The following ERAP1 variants were observed in gnomAD, a reference collection of about 807,000 sequenced individuals.
ERAP1 encodes endoplasmic reticulum aminopeptidase 1, also known as adipocyte-derived leucine aminopeptidase.
In ERAP1, 86 loss-of-function variants were observed where a neutral mutation model predicts 103.7. The observed-to-expected ratio is 0.83, with a 90% CI of 0.70 to 0.99. The LOEUF (loss-of-function observed/expected upper bound fraction) is 0.99. Ranked by LOEUF, ERAP1 falls within the 50% of genes least tolerant of loss-of-function variation. ERAP1 has a pLI of 0.00. For synonymous variants in ERAP1, 398 were observed against 402.4 expected, an observed-to-expected ratio of 0.99 and a Z score of 0.13; for missense variants, 1,009 against 1,128.4, an observed-to-expected ratio of 0.89 and a Z score of 1.52.
At chr5:96,895,382 C>T in the ERAP1 span, 1 of 1,409,656 alleles carries the variant, frequency 7.1e-7, no homozygotes, top group South Asian at 1.2e-5. Context: ...TTCTGTGTAT[C>T]ATACTATATG....
At chr5:96,769,483 A>G (rs190001456) in intron 19 of ERAP1, 45 of 149,590 alleles carry the variant, frequency 3.0e-4, no homozygotes, top group African/African-American at 1.0e-3. Flanking sequence ...TTTATTGTGT[A>G]TATTTGAGGT....
intron 1 of ERAP1, chr5:96,806,131 G>A (rs906489969): frequency 6.6e-6 from 1 of 152,182 alleles, no homozygotes; most frequent in Admixed American, 6.5e-5. Flanking sequence ...AAGATTCTGT[G>A]ATCATGTTCG....
At chr5:96,829,893 T>C in the ERAP1 span, among the ~76,000 whole-genome samples, 3 of 152,322 alleles carry the variant, frequency 2.0e-5, no homozygotes, top group East Asian at 3.9e-4. Flanking sequence ...CCTAGTAAGG[T>C]TGAAAGTGTG....
upstream of ERAP1, among the ~76,000 whole-genome samples, chr5:96,809,566 T>C (rs925780930): frequency 3.9e-5 from 6 of 152,224 alleles, no homozygotes; most frequent in East Asian, 1.9e-4. Flanking sequence ...CTATTATCTC[T>C]AGTCAAGGAC....
At chr5:96,811,261 G>A (rs1011516614), upstream of ERAP1, among the ~76,000 whole-genome samples, 3 of 152,174 alleles carry the variant, frequency 2.0e-5, no homozygotes, top group African/African-American at 7.2e-5. Flanking sequence ...CAGATGCCAT[G>A]TTAAAGACTG....
chr5:96,762,781 GA>G (rs1300070090), exon 20 of ERAP1: 1 of 243,026 alleles, frequency 4.1e-6, no homozygotes, highest in Non-Finnish European at 7.9e-6. Context: ...TTATTTTATG[GA>G]ATCGTCATGT....
chr5:96,932,895 T>C, the ERAP1 span, among the ~76,000 whole-genome samples: 2 of 152,174 alleles, frequency 1.3e-5, no homozygotes, highest in Admixed American at 6.5e-5. Flanking sequence ...CCGAAGACAG[T>C]AGATGGGTAT....
At chr5:96,807,441 G>A (rs1778759328) in intron 1 of ERAP1, among the ~76,000 whole-genome samples, 1 of 152,206 alleles carries the variant, frequency 6.6e-6, no homozygotes, top group Non-Finnish European at 1.5e-5. Context: ...GGCCTCGCGC[G>A]GGCGTCGGTG....
At chr5:96,900,389 T>A in the ERAP1 span, 2 of 852,310 alleles carry the variant, frequency 2.3e-6, no homozygotes, top group Non-Finnish European at 3.3e-6. Flanking sequence ...TATATTTTTG[T>A]TGTTATAGTT....
chr5:96,903,576 C>T, the ERAP1 span: 20 of 1,580,314 alleles, frequency 1.3e-5, no homozygotes, highest in Admixed American at 2.4e-4. Context: ...GCAACATTTC[C>T]TCTGACTTCA....
the ERAP1 span, chr5:96,892,331 G>A: frequency 6.2e-7 from 1 of 1,613,922 alleles, no homozygotes; most frequent in Admixed American, 1.7e-5. Flanking sequence ...TGCACCTGGA[G>A]CCATGGAAAA....
chr5:96,784,310 C>T (rs1004679849), intron 13 of ERAP1, among the ~76,000 whole-genome samples: 1 of 152,142 alleles, frequency 6.6e-6, no homozygotes, highest in Non-Finnish European at 1.5e-5. Flanking sequence ...GCCTGGCCAA[C>T]ATGGTGAAAC....
chr5:96,891,499 GTA>G, the ERAP1 span, among the ~76,000 whole-genome samples: 6,985 of 139,942 alleles, frequency 0.05, 234 homozygotes, highest in Middle Eastern at 0.099. Context: ...GTGTGTGTGT[GTA>G]TATATATATA....
intron 2 of ERAP1, among the ~76,000 whole-genome samples, chr5:96,801,790 T>G (rs544198565): frequency 6.2e-4 from 84 of 136,450 alleles, no homozygotes; most frequent in Non-Finnish European, 1.1e-3. Context: ...AGGCGGAGGT[T>G]GCGGTGAGCC....
chr5:96,887,227 T>C, the ERAP1 span, among the ~76,000 whole-genome samples: 1 of 151,654 alleles, frequency 6.6e-6, no homozygotes, highest in African/African-American at 2.4e-5. Flanking sequence ...TTTTAAATAA[T>C]ATTAATAATT....
At chr5:96,762,508 C>A in exon 20 of ERAP1, 1 of 564,958 alleles carries the variant, frequency 1.8e-6, no homozygotes, top group Non-Finnish European at 3.1e-6. Context: ...TTCAGAAGAG[C>A]CGAGACTGAT....
downstream of ERAP1, chr5:96,770,341 T>C (rs1771812077): frequency 1.8e-6 from 1 of 546,958 alleles, no homozygotes; most frequent in Non-Finnish European, 3.3e-6. Context: ...TTTCTATCCT[T>C]TTTCCCTCCT....
chr5:96,760,920 T>C (rs943621502), exon 20 of ERAP1: 1 of 151,990 alleles, frequency 6.6e-6, no homozygotes, highest in African/African-American at 2.4e-5. Flanking sequence ...GAAAAAGTAC[T>C]AAAAAGCATT....
the ERAP1 span, among the ~76,000 whole-genome samples, chr5:96,864,782 A>G: frequency 3.3e-5 from 5 of 152,256 alleles, no homozygotes; most frequent in Non-Finnish European, 5.9e-5. Context: ...AGAATATTGG[A>G]AAGATTTGAT....
Sources: gnomAD v4.1 joint callset for allele counts (sites outside exome capture counted in the v4.1 genomes callset) on GRCh38, gnomAD v4.1.1 for gene constraint, MANE v1.5 for transcripts, NCBI Gene and HGNC (gene_info 2026-07-23, HGNC 2026-07-21) for gene names.